The following NPIPB15 variants were observed in gnomAD, a reference collection of about 807,000 sequenced individuals.
NPIPB15 encodes nuclear pore complex interacting protein family member B15.
NPIPB15 carries 5 observed loss-of-function variants against 35.9 expected under a neutral mutation model. That is an observed-to-expected ratio of 0.14 (90% CI 0.07 to 0.29). The LOEUF is 0.29. Among genes scored for constraint, NPIPB15 ranks in the 10% least tolerant of loss-of-function variants. The probability of loss-of-function intolerance (pLI) is 1.00; values close to 1 mark genes in which losing one functional copy is unlikely to be tolerated. For synonymous variants in NPIPB15, 43 were observed against 182.0 expected (o/e 0.24, Z 6.15); for missense variants, 100 against 506.1 (o/e 0.20, Z 7.70).
At chr16:74,386,289 T>TTTTC (rs1358465352) in intron 5 of NPIPB15, among the ~76,000 whole-genome samples, 2 of 138,276 alleles carry the variant, frequency 1.4e-5, no homozygotes, top group African/African-American at 5.4e-5. Context: ...CCAGCCTTTT[T>TTTTC]TTTTTTTTTT....
chr16:74,385,108 A>G (rs201853757), intron 3 of NPIPB15, among the ~76,000 whole-genome samples: 28,738 of 138,434 alleles, frequency 0.21, 1,114 homozygotes, highest in African/African-American at 0.26. Context: ...TCCGCCTCCC[A>G]GCTTCAAACG....
Position 74,377,269 on chromosome 16 carries a change from A to G in NPIPB15, c.-100A>G, listed in dbSNP as rs1314302087. Among the ~76,000 whole-genome samples the G allele has an allele frequency of 6.6e-6, 1 of 151,320 alleles. No individual in the cohort carries two copies. The highest frequency in any genetic ancestry group is 1.5e-5 in the Non-Finnish European group (1 of 67,952). ...TGTTTTGTCGCCAAAAGTGACCTTG[A>G]GGAACCCTGGGAGCTCAGGAAGGAA... On this transcript the variant is annotated 5_prime_UTR_variant, in exon 1 of 8. Coordinates refer to ENST00000692376, the MANE Select transcript of NPIPB15 (RefSeq NM_001306094.2).
intron 1 of NPIPB15, among the ~76,000 whole-genome samples, chr16:74,377,605 A>T (rs201444001): frequency 1.3e-5 from 2 of 151,160 alleles, no homozygotes; most frequent in Admixed American, 1.3e-4. Context: ...CCCTTGCCCC[A>T]CGTGTCCTGT....
At chr16:74,389,530 G>A (rs1312765664) in intron 5 of NPIPB15, among the ~76,000 whole-genome samples, 974 of 136,154 alleles carry the variant, frequency 7.2e-3, no homozygotes, top group African/African-American at 0.026. Flanking sequence ...CTGCCACCAC[G>A]CCCGGCTAAT....
intron 5 of NPIPB15, among the ~76,000 whole-genome samples, chr16:74,387,741 T>C (rs1342646828): frequency 1.3e-5 from 2 of 151,992 alleles, no homozygotes; most frequent in East Asian, 2.0e-4. Context: ...CCAGACAGCA[T>C]GTGCTGAAGG....
chr16:74,379,974 T>C (rs2011898176), intron 2 of NPIPB15, among the ~76,000 whole-genome samples: 1 of 148,512 alleles, frequency 6.7e-6, no homozygotes, highest in African/African-American at 2.5e-5. Context: ...TTTTTTTTAC[T>C]TATGCTGAGC....
At chr16:74,387,426 A>C (rs1484356202) in intron 5 of NPIPB15, among the ~76,000 whole-genome samples, 1 of 149,516 alleles carries the variant, frequency 6.7e-6, no homozygotes, top group Non-Finnish European at 1.5e-5. Context: ...ATGTCTGTTT[A>C]CTGCCATGTT....
chr16:74,389,384 T>A (rs1361921811), intron 5 of NPIPB15, among the ~76,000 whole-genome samples: 1 of 150,256 alleles, frequency 6.7e-6, no homozygotes. Flanking sequence ...TTTGTTTTTG[T>A]TTTTCTGAGA....
intron 2 of NPIPB15, among the ~76,000 whole-genome samples, chr16:74,380,937 G>T (rs1429475365): frequency 6.6e-6 from 1 of 152,236 alleles, no homozygotes; most frequent in Admixed American, 6.5e-5. Flanking sequence ...CCTGCCAGGA[G>T]TTCAAGGCCA....
intron 2 of NPIPB15, among the ~76,000 whole-genome samples, chr16:74,379,908 A>G (rs1341262998): frequency 6.6e-6 from 1 of 151,376 alleles, no homozygotes; most frequent in Non-Finnish European, 1.5e-5. Context: ...ATTTTTAAGC[A>G]CTAAAATTTG....
At chr16:74,388,717 T>C (rs1322232569) in intron 5 of NPIPB15, 1 of 963,040 alleles carries the variant, frequency 1.0e-6, no homozygotes, top group East Asian at 1.2e-4. Context: ...CTGAGGAAAC[T>C]AAGCATGAAA....
chr16:74,378,527 A>G (rs2011803134), intron 2 of NPIPB15, among the ~76,000 whole-genome samples: 1 of 146,560 alleles, frequency 6.8e-6, no homozygotes, highest in African/African-American at 2.5e-5. Context: ...CCGGGGTTCA[A>G]GCAATTGTCC....
chr16:74,389,060 G>A (rs1197741739), intron 5 of NPIPB15, among the ~76,000 whole-genome samples: 3 of 148,636 alleles, frequency 2.0e-5, no homozygotes, highest in East Asian at 2.0e-4. Context: ...GTGGAAACTC[G>A]GTTCATACCA....
chr16:74,388,739 C>T (rs1281704980), intron 5 of NPIPB15: 2 of 963,354 alleles, frequency 2.1e-6, no homozygotes, highest in East Asian at 1.2e-4. Flanking sequence ...AATGTGAGCA[C>T]ACAGAAAAGG....
chr16:74,376,646 G>A lies in NPIPB15; in HGVS notation c.-723G>A, dbSNP rs1247527210. On this transcript the variant is annotated 5_prime_UTR_variant, in exon 1 of 8. Coordinates refer to ENST00000692376, the MANE Select transcript of NPIPB15 (RefSeq NM_001306094.2). ...AATTTAAAGTCCACACACACAGGCAGTAAGATGATTATAGATAAGGACATC... is the reference window on the plus strand; with the variant it reads ...AATTTAAAGTCCACACACACAGGCAATAAGATGATTATAGATAAGGACATC... Among the ~76,000 whole-genome samples, 10 of 152,150 alleles carry A rather than the reference G, an allele frequency of 6.6e-5. No homozygotes were observed. The highest frequency in any genetic ancestry group is 7.3e-5 in the Non-Finnish European group (5 of 68,040).
At chr16:74,378,253 C>A (rs1189650488) in intron 2 of NPIPB15, among the ~76,000 whole-genome samples, 1 of 151,614 alleles carries the variant, frequency 6.6e-6, no homozygotes, top group South Asian at 2.1e-4. Flanking sequence ...CCTGGTGGTG[C>A]GTACCTGTTA....
chr16:74,379,222 T>C (rs2011850049), intron 2 of NPIPB15, among the ~76,000 whole-genome samples: 2 of 152,336 alleles, frequency 1.3e-5, no homozygotes, highest in South Asian at 2.1e-4. Context: ...TGCCATGCCA[T>C]AGGTACTCTT....
At chr16:74,378,999 C>T (rs550799493) in intron 2 of NPIPB15, among the ~76,000 whole-genome samples, 1 of 152,268 alleles carries the variant, frequency 6.6e-6, no homozygotes, top group South Asian at 2.1e-4. Flanking sequence ...AGGGTTTCTC[C>T]ATGTTGGTCA....
At chr16:74,385,889 T>C in intron 5 of NPIPB15, 140 bp downstream of exon 5, 1 of 461,140 alleles carries the variant, frequency 2.2e-6, no homozygotes, top group African/African-American at 2.6e-5. Context: ...CCTTTCTGCT[T>C]CATTAGTTTA....
Sources: gnomAD v4.1 joint callset for allele counts (sites outside exome capture counted in the v4.1 genomes callset) on GRCh38, gnomAD v4.1.1 for gene constraint, MANE v1.5 for transcripts, NCBI Gene and HGNC (gene_info 2026-07-23, HGNC 2026-07-21) for gene names.